SLCO1A2: variants seen among roughly 807,000 people sequenced by gnomAD.
The protein encoded by SLCO1A2 is solute carrier organic anion transporter family member 1A2, also known as OATP-1.
SLCO1A2 carries 67 observed loss-of-function variants against 69.0 expected under a neutral mutation model. The observed-to-expected ratio is 0.97, with a 90% CI of 0.80 to 1.19. SLCO1A2 has a LOEUF of 1.19. SLCO1A2 is among the 50% of genes most tolerant of loss of function. The probability of loss-of-function intolerance (pLI) is 0.00; values close to 1 mark genes in which losing one functional copy is unlikely to be tolerated. For synonymous variants in SLCO1A2, 260 were observed against 265.9 expected, an observed-to-expected ratio of 0.98 and a Z score of 0.22; for missense variants, 787 against 793.7, an observed-to-expected ratio of 0.99 and a Z score of 0.10.
At chr12:21,293,281 C>T (rs1049447093) in intron 11 of SLCO1A2, among the ~76,000 whole-genome samples, 5 of 151,902 alleles carry the variant, frequency 3.3e-5, no homozygotes, top group South Asian at 2.1e-4. Context: ...CCAGCTTAGG[C>T]GACAGAGTGA....
chr12:21,341,263 G>A (rs897663547), intron 2 of SLCO1A2, among the ~76,000 whole-genome samples: 1 of 151,860 alleles, frequency 6.6e-6, no homozygotes, highest in African/African-American at 2.4e-5. Flanking sequence ...AACACTGGAG[G>A]ACCTAAACCA....
At chr12:21,338,384 G>C (rs968073654), upstream of SLCO1A2, among the ~76,000 whole-genome samples, 9 of 151,704 alleles carry the variant, frequency 5.9e-5, no homozygotes, top group Admixed American at 5.3e-4. Flanking sequence ...AACCCCCCAG[G>C]CGATATCTGA....
At chr12:21,299,854 GTA>G (rs367663983) in intron 8 of SLCO1A2, among the ~76,000 whole-genome samples, 83 of 127,512 alleles carry the variant, frequency 6.5e-4, no homozygotes, top group Non-Finnish European at 7.9e-4. Flanking sequence ...ATATATACGT[GTA>G]TATATATATA....
chr12:21,298,662 T>G (rs1337644032), intron 8 of SLCO1A2, among the ~76,000 whole-genome samples: 2 of 152,174 alleles, frequency 1.3e-5, no homozygotes, highest in African/African-American at 4.8e-5. Context: ...CACCCATGTT[T>G]GTTGACATCC....
At chr12:21,390,635 G>A (rs966428446) in intron 1 of SLCO1A2, among the ~76,000 whole-genome samples, 18 of 152,068 alleles carry the variant, frequency 1.2e-4, no homozygotes, top group African/African-American at 3.6e-4. Flanking sequence ...CAATGGAATT[G>A]ATACTAACTT....
At chr12:21,356,876 T>C (rs1938408858) in intron 2 of SLCO1A2, among the ~76,000 whole-genome samples, 1 of 152,136 alleles carries the variant, frequency 6.6e-6, no homozygotes, top group African/African-American at 2.4e-5. Flanking sequence ...AACTTTTGTA[T>C]CTTAAACAGA....
At chr12:21,290,606 AAAAT>A (rs1454853546) in intron 12 of SLCO1A2, among the ~76,000 whole-genome samples, 1 of 152,214 alleles carries the variant, frequency 6.6e-6, no homozygotes, top group East Asian at 1.9e-4. Flanking sequence ...TATTCGGAGA[AAAAT>A]AACACTGGAT....
intron 14 of SLCO1A2, among the ~76,000 whole-genome samples, chr12:21,271,645 TTATATACATATGTGTATATAAACA>T (rs1224444900): frequency 1.3e-4 from 19 of 148,730 alleles, no homozygotes; most frequent in Middle Eastern, 3.6e-3. Flanking sequence ...ATATACATCT[TTATATACATATGTGTATATAAACA>T]TATATACCTA....
chr12:21,366,863 A>T (rs1939428734), intron 2 of SLCO1A2, among the ~76,000 whole-genome samples: 1 of 152,042 alleles, frequency 6.6e-6, no homozygotes, highest in South Asian at 2.1e-4. Context: ...AAATAGTGAA[A>T]ATATATATAA....
intron 2 of SLCO1A2, among the ~76,000 whole-genome samples, chr12:21,364,327 G>C (rs1273264318): frequency 6.6e-6 from 1 of 152,060 alleles, no homozygotes; most frequent in East Asian, 1.9e-4. Flanking sequence ...TGAAGAAAAG[G>C]CCTTTGACAA....
chr12:21,382,310 T>C (rs1940635537), intron 1 of SLCO1A2, among the ~76,000 whole-genome samples: 1 of 151,984 alleles, frequency 6.6e-6, no homozygotes, highest in South Asian at 2.1e-4. Flanking sequence ...AGTGATATAA[T>C]GGACTTTAGA....
Position 21,292,320 on chromosome 12 carries a change from C to G in SLCO1A2, c.1454G>C (p.Ser485Thr). Residue 485 changes from serine (S) to threonine (T), a missense_variant, in exon 12 of 15, where the codon AGC becomes ACC. Coordinates refer to ENST00000683939, the MANE Select transcript of SLCO1A2 (RefSeq NM_001386879.1). Reference sequence around the variant, plus strand: ...TGAATTTCCTGATGTTTGAATACAGCTGCAATTTTGGAACACCTGCCAAAA... The same window carrying G: ...TGAATTTCCTGATGTTTGAATACAGGTGCAATTTTGGAACACCTGCCAAAA... ...TGINMVFQNC[S>T]CIQTSGNSSA... 7 of 1,604,724 alleles carry G rather than the reference C, an allele frequency of 4.4e-6. No individual in the cohort carries two copies. Among genetic ancestry groups the G allele is most frequent in the Non-Finnish European group, 6.0e-6 (7 of 1,176,390 alleles).
At chr12:21,370,420 C>T (rs958910862) in intron 2 of SLCO1A2, among the ~76,000 whole-genome samples, 9 of 151,070 alleles carry the variant, frequency 6.0e-5, no homozygotes, top group Admixed American at 1.3e-4. Flanking sequence ...TGTTGGTGTG[C>T]TGCACCCATC....
intron 2 of SLCO1A2, among the ~76,000 whole-genome samples, chr12:21,352,560 G>T (rs1003579289): frequency 6.6e-6 from 1 of 152,096 alleles, no homozygotes; most frequent in African/African-American, 2.4e-5. Context: ...GTCCGTCAAG[G>T]CTGCCTACAT....
At chr12:21,358,253 AATC>A (rs1174700207) in intron 2 of SLCO1A2, among the ~76,000 whole-genome samples, 1 of 152,228 alleles carries the variant, frequency 6.6e-6, no homozygotes, top group Non-Finnish European at 1.5e-5. Flanking sequence ...TGCTGGAAAA[AATC>A]ATTAAGCTTG....
chr12:21,418,400 T>C (rs1165955346), upstream of SLCO1A2, among the ~76,000 whole-genome samples: 1 of 152,186 alleles, frequency 6.6e-6, no homozygotes, highest in African/African-American at 2.4e-5. Context: ...TGAACAGTCA[T>C]TGTATTAGTT....
chr12:21,410,611 G>A (rs1941892980), intron 1 of SLCO1A2, among the ~76,000 whole-genome samples: 1 of 152,088 alleles, frequency 6.6e-6, no homozygotes, highest in South Asian at 2.1e-4. Context: ...TTTCTTCTGG[G>A]AATAGACTTG....
chr12:21,323,952 T>C (rs1951967162), intron 2 of SLCO1A2, among the ~76,000 whole-genome samples: 1 of 152,128 alleles, frequency 6.6e-6, no homozygotes, highest in Admixed American at 6.5e-5. Context: ...AGAAGGGCAT[T>C]TGCAGTGAAA....
chr12:21,283,570 A>T (rs1010169104), intron 12 of SLCO1A2, among the ~76,000 whole-genome samples: 6 of 152,146 alleles, frequency 3.9e-5, no homozygotes, highest in Non-Finnish European at 8.8e-5. Flanking sequence ...AAATGGATAA[A>T]TGGGATCACA....
Sources: gnomAD v4.1 joint callset for allele counts (sites outside exome capture counted in the v4.1 genomes callset) on GRCh38, gnomAD v4.1.1 for gene constraint, MANE v1.5 for transcripts, NCBI Gene and HGNC (gene_info 2026-07-23, HGNC 2026-07-21) for gene names.